The following ASTN2 variants were observed in gnomAD, a reference collection of about 807,000 sequenced individuals.
The protein encoded by ASTN2 is astrotactin-2.
Under a neutral mutation model 139.8 loss-of-function variants are expected in ASTN2, and 54 were observed. The ratio of observed to expected loss-of-function variants is 0.39; its 90% CI spans 0.31 to 0.48. The LOEUF (loss-of-function observed/expected upper bound fraction) is 0.48, where lower values mean the gene tolerates loss of function less well. Ranked by LOEUF, ASTN2 falls within the 20% of genes least tolerant of loss-of-function variation. The probability of loss-of-function intolerance (pLI) is 0.95; values close to 1 mark genes in which losing one functional copy is unlikely to be tolerated. For synonymous variants in ASTN2, 756 were observed against 719.5 expected (o/e 1.05, Z -0.81); for missense variants, 1,565 against 1,725.1 (o/e 0.91, Z 1.64).
At chr9:116,718,689 C>G (rs1828382805) in intron 16 of ASTN2, among the ~76,000 whole-genome samples, 1 of 151,940 alleles carries the variant, frequency 6.6e-6, no homozygotes, top group Non-Finnish European at 1.5e-5. Context: ...ACCTGAATGT[C>G]TTGAGCTAGG....
chr9:116,655,046 A>T (rs1858128918), intron 16 of ASTN2, among the ~76,000 whole-genome samples: 1 of 152,240 alleles, frequency 6.6e-6, no homozygotes, highest in Non-Finnish European at 1.5e-5. Context: ...TTACAGCTGA[A>T]TTTAAGGGTT....
In ASTN2 at chr9:117,214,506, G is replaced by A. The variant is rs1275264283; in HGVS notation, c.867C>T (p.Ile289=). The part of the protein sequence containing the change: ...VIGVPIRETP[I]LDDYDCEEDE... ...CCTCCTCACAGTCATAGTCATCCAG[G>A]ATGGGAGTCTCCCGGATGGGCACGC... The change falls in exon 3 of 23, where the codon ATC becomes ATT. Residue 289 remains isoleucine, a synonymous_variant. Coordinates refer to ENST00000313400, the MANE Select transcript of ASTN2 (RefSeq NM_001365068.1). 6.2e-7 allele frequency: 1 copy of A among 1,614,180 alleles called. No individual in the cohort carries two copies. Among genetic ancestry groups the A allele is most frequent in the East Asian group, 2.2e-5 (1 of 44,862 alleles).
chr9:117,055,524 T>C (rs537611702), intron 5 of ASTN2, among the ~76,000 whole-genome samples: 1 of 151,664 alleles, frequency 6.6e-6, no homozygotes, highest in Admixed American at 6.6e-5. Flanking sequence ...CTATGAAGGA[T>C]GAGATCTACA....
intron 4 of ASTN2, among the ~76,000 whole-genome samples, chr9:117,140,122 A>G (rs1830039201): frequency 6.6e-6 from 1 of 152,220 alleles, no homozygotes; most frequent in Non-Finnish European, 1.5e-5. Flanking sequence ...CATAAGATGC[A>G]TATATCATTT....
At chr9:117,352,443 A>G (rs1280660042) in intron 1 of ASTN2, among the ~76,000 whole-genome samples, 1 of 152,180 alleles carries the variant, frequency 6.6e-6, no homozygotes, top group African/African-American at 2.4e-5. Flanking sequence ...TTCTCCTCAC[A>G]TTTTACAGTC....
chr9:117,161,624 C>T lies in ASTN2; in HGVS notation c.1016-20146G>A, dbSNP rs139483864. On this transcript the variant is annotated intron_variant, in intron 3 of 22. Coordinates refer to ENST00000313400, the MANE Select transcript of ASTN2 (RefSeq NM_001365068.1). ...GGCCAGGCTGGTCTTGAATTCCTGA[C>T]TTCAAGTGATCTGCCCACCTTGGCC... Among the ~76,000 whole-genome samples, 344 of 152,154 alleles carry T rather than the reference C, an allele frequency of 2.3e-3. 2 individuals are homozygous for T. The highest frequency in any genetic ancestry group is 8.0e-3 in the African/African-American group (331 of 41,542).
chr9:116,937,676 T>C (rs1835117738), intron 10 of ASTN2, among the ~76,000 whole-genome samples: 1 of 152,114 alleles, frequency 6.6e-6, no homozygotes, highest in African/African-American at 2.4e-5. Context: ...AAGATATGCA[T>C]TTGAGGTTTA....
chr9:116,574,958 C>A (rs1361421489), intron 19 of ASTN2, among the ~76,000 whole-genome samples: 1 of 152,158 alleles, frequency 6.6e-6, no homozygotes, highest in Non-Finnish European at 1.5e-5. Context: ...ATCCTTACTC[C>A]CTTCAGCATC....
chr9:117,397,859 G>C lies in ASTN2; in HGVS notation c.442+16638C>G, dbSNP rs147310399. Among the ~76,000 whole-genome samples the C allele has an allele frequency of 4.5e-4, 68 of 152,254 alleles. No individual in the cohort carries two copies. The East Asian group carries it at 0.013, about 28-fold the overall frequency. ...ATGAGAAGTTTAACGAAGAAGAAGAGAAGCACTGATTTAGCAATCATGTCA... is the reference window on the plus strand; with the variant it reads ...ATGAGAAGTTTAACGAAGAAGAAGACAAGCACTGATTTAGCAATCATGTCA... On this transcript the variant is annotated intron_variant, in intron 1 of 22. Coordinates refer to ENST00000313400, the MANE Select transcript of ASTN2 (RefSeq NM_001365068.1).
chr9:116,936,650 CAG>C lies in ASTN2; in HGVS notation c.1889+38556_1889+38557del, dbSNP rs1313198902. On this transcript the variant is annotated intron_variant, in intron 10 of 22. Transcript: ENST00000313400. ...ATTTTCCAGAGACATTTCTCTCTTC[CAG>C]GAATTTTCAAGCTGTAAAGTTTGGG... Among the ~76,000 whole-genome samples, 16 of 152,220 alleles carry C rather than the reference CAG, an allele frequency of 1.1e-4. No homozygotes were observed. In the East Asian group the frequency reaches 3.1e-3, roughly 30 times the overall value.
chr9:116,441,432 G>A (rs936100769), intron 21 of ASTN2, among the ~76,000 whole-genome samples: 51 of 101,158 alleles, frequency 5.0e-4, no homozygotes, highest in Non-Finnish European at 3.2e-4. Context: ...AGGAGAATCT[G>A]GAAACTTAAG....
At chr9:116,815,804 C>CAAAAAAAAAAAAAAAA (rs55954354) in intron 12 of ASTN2, among the ~76,000 whole-genome samples, 241 of 24,100 alleles carry the variant, frequency 0.01, 69 homozygotes, top group African/African-American at 0.021. Flanking sequence ...GACTCCGTCT[C>CAAAAAAAAAAAAAAAA]AAAAAAAAAA....
intron 19 of ASTN2, among the ~76,000 whole-genome samples, chr9:116,608,381 A>G (rs1166738974): frequency 6.6e-6 from 1 of 152,190 alleles, no homozygotes; most frequent in Non-Finnish European, 1.5e-5. Flanking sequence ...TCTACCAGCC[A>G]TACTGTAAAA....
intron 10 of ASTN2, among the ~76,000 whole-genome samples, chr9:116,967,559 A>G (rs1836048618): frequency 6.6e-6 from 1 of 152,222 alleles, no homozygotes; most frequent in Non-Finnish European, 1.5e-5. Context: ...AGGAAAGCAC[A>G]CTTCTAGGTT....
intron 19 of ASTN2, among the ~76,000 whole-genome samples, chr9:116,570,394 T>C (rs968352905): frequency 7.1e-6 from 1 of 141,824 alleles, no homozygotes; most frequent in Non-Finnish European, 1.5e-5. Context: ...GCTTTTAGTC[T>C]CTTTTTTTTT....
At chr9:117,304,209 GT>G (rs1453015786) in intron 1 of ASTN2, among the ~76,000 whole-genome samples, 1 of 152,184 alleles carries the variant, frequency 6.6e-6, no homozygotes, top group Non-Finnish European at 1.5e-5. Context: ...AAGCCACTAA[GT>G]TTTGGGGTGT....
intron 11 of ASTN2, among the ~76,000 whole-genome samples, chr9:116,841,061 C>G (rs1167146882): frequency 1.3e-5 from 2 of 152,152 alleles, no homozygotes; most frequent in African/African-American, 2.4e-5. Context: ...GCCAAGATCA[C>G]GCCACTGCAC....
intron 3 of ASTN2, among the ~76,000 whole-genome samples, chr9:117,176,321 A>G (rs1369802664): frequency 6.6e-6 from 1 of 152,174 alleles, no homozygotes; most frequent in East Asian, 1.9e-4. Flanking sequence ...CCATATATAA[A>G]GTAAAAGTAT....
chr9:116,553,346 G>A (rs1403297777), intron 19 of ASTN2, among the ~76,000 whole-genome samples: 6 of 152,250 alleles, frequency 3.9e-5, no homozygotes, highest in Middle Eastern at 3.4e-3. Flanking sequence ...GAGCCCTAGC[G>A]GAGGGAGGGA....
Sources: gnomAD v4.1 joint callset for allele counts (sites outside exome capture counted in the v4.1 genomes callset) on GRCh38, gnomAD v4.1.1 for gene constraint, MANE v1.5 for transcripts, NCBI Gene and HGNC (gene_info 2026-07-23, HGNC 2026-07-21) for gene names.